The following IGFBP2 variants were observed in gnomAD, a reference collection of about 807,000 sequenced individuals.
The protein encoded by IGFBP2 is insulin like growth factor binding protein 2.
A neutral mutation model predicts 26.2 loss-of-function variants in IGFBP2; 12 were observed. That is an observed-to-expected ratio of 0.46 (90% CI 0.29 to 0.74). IGFBP2 has a LOEUF of 0.74. IGFBP2 is among the 30% of genes least tolerant of loss of function. IGFBP2 has a pLI of 0.09. For missense variants in IGFBP2, 328 were observed against 441.2 expected (o/e 0.74, Z 2.30); for synonymous variants, 189 against 200.6 (o/e 0.94, Z 0.49).
rs754549023 is a variant in IGFBP2, at chr2:216,660,662, C to T, written c.548C>T (p.Ser183Leu). 6 of 1,614,094 alleles carry T rather than the reference C, an allele frequency of 3.7e-6. No homozygotes were observed. Among genetic ancestry groups the T allele is most frequent in the South Asian group, 2.2e-5 (2 of 91,060 alleles). ...GGSAGRKPLKSGMKELAVFRE... is the reference protein window; with the variant it reads ...GGSAGRKPLKLGMKELAVFRE... ...AGTGCTGGCCGGAAGCCCCTCAAGT[C>T]GGGTATGAAGGAGCTGGCCGTGTTC... Residue 183 changes from serine to leucine, a missense_variant, in exon 2 of 4, where the codon TCG (serine) becomes TTG (leucine). Coordinates refer to ENST00000233809, the MANE Select transcript of IGFBP2 (RefSeq NM_000597.3).
At chr2:216,634,029 G>A (rs1697442081) in intron 1 of IGFBP2, 64 bp downstream of exon 1, 1 of 1,512,228 alleles carries the variant, frequency 6.6e-7, no homozygotes, top group Admixed American at 2.0e-5. Flanking sequence ...CCCGACGGGC[G>A]GCTGGACCTT....
At chr2:216,646,226 C>T (rs1178552286) in intron 1 of IGFBP2, among the ~76,000 whole-genome samples, 1 of 152,116 alleles carries the variant, frequency 6.6e-6, no homozygotes, top group African/African-American at 2.4e-5. Flanking sequence ...GAGAAGAGGA[C>T]AGTGGAAGGG....
chr2:216,664,072 G>A lies in IGFBP2; in HGVS notation c.946G>A (p.Ala316Thr), dbSNP rs1688708830. 2 of 1,612,642 alleles carry A rather than the reference G, an allele frequency of 1.2e-6. No individual in the cohort carries two copies. The highest frequency in any genetic ancestry group is 1.1e-5 in the South Asian group (1 of 90,890). ...TCTCTTCTACAATGAGCAGCAGGAG[G>A]CTCGCGGGGTGCACACCCAGCGGAT... ...CHLFYNEQQEARGVHTQRMQ is the reference protein window; with the variant it reads ...CHLFYNEQQETRGVHTQRMQ Residue 316 changes from alanine to threonine, a missense_variant, in exon 4 of 4, where the codon GCT becomes ACT. Physicochemically the swap from Ala to Thr is moderately conservative, Grantham distance 58. Transcript: ENST00000233809. This position sits in a 1 kb window ranked among gnomAD's most constrained non-coding sequence, Gnocchi z 4.6.
chr2:216,646,661 G>GA (rs1305806029), intron 1 of IGFBP2, among the ~76,000 whole-genome samples: 1 of 152,208 alleles, frequency 6.6e-6, no homozygotes, highest in Non-Finnish European at 1.5e-5. Flanking sequence ...GGTGGGAGGT[G>GA]AAGGCACGTC....
At chr2:216,661,165 C>T (rs940121109) in intron 2 of IGFBP2, 4 of 294,440 alleles carry the variant, frequency 1.4e-5, no homozygotes, top group African/African-American at 2.2e-5. Flanking sequence ...TGTAATGGTG[C>T]CATCACACCT....
At chr2:216,640,735 A>G (rs533108104) in intron 1 of IGFBP2, among the ~76,000 whole-genome samples, 1 of 152,326 alleles carries the variant, frequency 6.6e-6, no homozygotes, top group East Asian at 1.9e-4. Flanking sequence ...TGGTAGAGAA[A>G]AGCTTTTGAC....
At chr2:216,647,689 T>G (rs1471250795) in intron 1 of IGFBP2, among the ~76,000 whole-genome samples, 1 of 152,104 alleles carries the variant, frequency 6.6e-6, no homozygotes. Flanking sequence ...CTGGCTAATT[T>G]TTTGTATTTT....
intron 1 of IGFBP2, among the ~76,000 whole-genome samples, chr2:216,634,892 C>CTTTTTTTTT (rs1191096035): frequency 2.9e-4 from 7 of 23,818 alleles, no homozygotes; most frequent in East Asian, 4.0e-3. Context: ...AAGGAGGTTA[C>CTTTTTTTTT]TTTTTTTTTT....
At chr2:216,656,442 A>G (rs1246499074) in intron 1 of IGFBP2, among the ~76,000 whole-genome samples, 2 of 152,226 alleles carry the variant, frequency 1.3e-5, no homozygotes, top group African/African-American at 2.4e-5. Flanking sequence ...GCAATGGGCT[A>G]TCAGCTTACA....
At chr2:216,663,679 A>C (rs926547906) in intron 3 of IGFBP2, 13 of 385,574 alleles carry the variant, frequency 3.4e-5, no homozygotes, top group Non-Finnish European at 6.2e-5. Flanking sequence ...TGGCCTTGCT[A>C]ATCAGAGGGG....
intron 2 of IGFBP2, 145 bp from the exon 3 acceptor site, chr2:216,661,713 A>G: frequency 1.1e-6 from 1 of 925,940 alleles, no homozygotes; most frequent in Non-Finnish European, 1.7e-6. Context: ...GCAGGCTGTC[A>G]GAAGTCCCTG....
intron 1 of IGFBP2, among the ~76,000 whole-genome samples, chr2:216,656,119 C>G (rs920292516): frequency 6.6e-6 from 1 of 152,100 alleles, no homozygotes; most frequent in Non-Finnish European, 1.5e-5. Flanking sequence ...TCTGTGTGTG[C>G]CCCTCTCCTT....
At chr2:216,658,446 G>A (rs1208483492) in intron 1 of IGFBP2, among the ~76,000 whole-genome samples, 1 of 152,126 alleles carries the variant, frequency 6.6e-6, no homozygotes, top group African/African-American at 2.4e-5. Context: ...GTAGATAACT[G>A]GGGCATTCGT....
intron 1 of IGFBP2, among the ~76,000 whole-genome samples, chr2:216,639,704 G>A (rs193001110): frequency 1.0e-3 from 157 of 152,074 alleles, no homozygotes; most frequent in African/African-American, 3.5e-3. Flanking sequence ...GTGCAGTGGC[G>A]CAATCTCGGT....
intron 1 of IGFBP2, 146 bp from the exon 2 acceptor site, chr2:216,660,411 T>C (rs985803818): frequency 3.3e-6 from 2 of 613,468 alleles, no homozygotes; most frequent in African/African-American, 3.7e-5. Context: ...TATAAATTGC[T>C]CAGCACGGGC....
intron 1 of IGFBP2, among the ~76,000 whole-genome samples, chr2:216,657,126 G>T (rs71430226): frequency 6.6e-6 from 1 of 152,202 alleles, no homozygotes; most frequent in Admixed American, 6.5e-5. Flanking sequence ...TTCCAATGCA[G>T]GTGGTGGGAG....
chr2:216,661,632 G>A, intron 2 of IGFBP2: 1 of 623,888 alleles, frequency 1.6e-6, no homozygotes, highest in Non-Finnish European at 2.9e-6. Context: ...GGAGAGGAGT[G>A]AACATTCCCA....
intron 2 of IGFBP2, chr2:216,661,532 G>T (rs9341203): frequency 1.9e-4 from 81 of 419,916 alleles, no homozygotes; most frequent in Admixed American, 4.2e-4. Context: ...TGGGCATGGG[G>T]TGGGGGCATG....
In IGFBP2 at chr2:216,664,049, T is replaced by G. The variant is rs1688708287; in HGVS notation, c.923T>G (p.Leu308Arg). The change falls in exon 4 of 4, where the codon CTC becomes CGC. Residue 308 changes from leucine (L) to arginine (R), a missense_variant. Leu to Arg is a moderately radical substitution (Grantham distance 102). Transcript: ENST00000233809. This position sits in a 1 kb window ranked among gnomAD's most constrained non-coding sequence, Gnocchi z 4.6. ...ATCCGGGGGGACCCCGAGTGTCATC[T>G]CTTCTACAATGAGCAGCAGGAGGCT... Reference protein sequence around the residue: ...PTIRGDPECHLFYNEQQEARG... With the variant: ...PTIRGDPECHRFYNEQQEARG... 1 of 1,613,726 alleles carries G rather than the reference T, an allele frequency of 6.2e-7. No individual in the cohort carries two copies.
Sources: gnomAD v4.1 joint callset for allele counts (sites outside exome capture counted in the v4.1 genomes callset) on GRCh38, gnomAD v4.1.1 for gene constraint, Gnocchi (gnomAD v3.1) non-coding constraint, MANE v1.5 for transcripts, NCBI Gene and HGNC (gene_info 2026-07-23, HGNC 2026-07-21) for gene names.